DLG2: variants seen among roughly 807,000 people sequenced by gnomAD.
DLG2 encodes discs large MAGUK scaffold protein 2.
A neutral mutation model predicts 132.5 loss-of-function variants in DLG2; 45 were observed. That is an observed-to-expected ratio of 0.34 (90% CI 0.27 to 0.44). The LOEUF (loss-of-function observed/expected upper bound fraction) is 0.44. Among genes scored for constraint, DLG2 ranks in the 20% least tolerant of loss-of-function variants. The pLI, the probability that DLG2 is intolerant of heterozygous loss-of-function variation, is 1.00. For missense variants in DLG2, 1,045 were observed against 1,196.9 expected, an observed-to-expected ratio of 0.87 and a Z score of 1.87; for synonymous variants, 424 against 419.6, an observed-to-expected ratio of 1.01 and a Z score of -0.13.
At chr11:83,915,803 T>C (rs1205501711) in intron 15 of DLG2, among the ~76,000 whole-genome samples, 1 of 152,152 alleles carries the variant, frequency 6.6e-6, no homozygotes, top group Non-Finnish European at 1.5e-5. Context: ...ATTTACAGAA[T>C]TGTGCAACCA....
chr11:84,634,376 A>C (rs1008259279), intron 6 of DLG2, among the ~76,000 whole-genome samples: 1 of 152,230 alleles, frequency 6.6e-6, no homozygotes, highest in Non-Finnish European at 1.5e-5. Context: ...ATTTAAGTTC[A>C]TGCTAAAGAT....
rs151026338 is a variant in DLG2 at position 84,800,139 on chromosome 11, T to C, written c.358-265408A>G. Among the ~76,000 whole-genome samples the C allele has an allele frequency of 1.5e-3, 222 of 152,208 alleles. 1 individual carries two copies. The highest frequency in any genetic ancestry group is 5.2e-3 in the African/African-American group (216 of 41,536). On this transcript the variant is annotated intron_variant, in intron 6 of 27. Transcript: ENST00000376104. ...ATTTTAAAAATCTGTATGTACAAAA[T>C]TGAACAAGAGAGTAAGACCCAATAC...
At chr11:84,885,800 T>A (rs1368678077) in intron 6 of DLG2, among the ~76,000 whole-genome samples, 2 of 152,030 alleles carry the variant, frequency 1.3e-5, no homozygotes, top group African/African-American at 2.4e-5. Context: ...AAGGAAAAGT[T>A]TAATTTTGCA....
intron 4 of DLG2, among the ~76,000 whole-genome samples, chr11:85,216,746 G>A (rs954585664): frequency 6.6e-6 from 1 of 151,942 alleles, no homozygotes; most frequent in Non-Finnish European, 1.5e-5. Flanking sequence ...ACCCAGGCTG[G>A]AGTGCAGTGG....
chr11:84,747,945 C>T (rs1298388665), intron 6 of DLG2, among the ~76,000 whole-genome samples: 2 of 152,176 alleles, frequency 1.3e-5, no homozygotes, highest in African/African-American at 4.8e-5. Context: ...CTAGACTAGA[C>T]AAGTCATTTT....
chr11:84,847,382 T>C (rs1251838753), intron 6 of DLG2, among the ~76,000 whole-genome samples: 1 of 152,148 alleles, frequency 6.6e-6, no homozygotes, highest in African/African-American at 2.4e-5. Flanking sequence ...AACTTGTCTA[T>C]TTAGTTAAGA....
At chr11:84,820,425 GTA>G (rs2077541596) in intron 6 of DLG2, among the ~76,000 whole-genome samples, 1 of 151,824 alleles carries the variant, frequency 6.6e-6, no homozygotes, top group Non-Finnish European at 1.5e-5. Flanking sequence ...AAGTGTACAG[GTA>G]ATCACGCTTT....
chr11:85,394,206 A>C (rs992248297), intron 3 of DLG2, among the ~76,000 whole-genome samples: 1 of 152,226 alleles, frequency 6.6e-6, no homozygotes, highest in Non-Finnish European at 1.5e-5. Context: ...TTTTAAAACA[A>C]ATGAGGTAAT....
intron 6 of DLG2, among the ~76,000 whole-genome samples, chr11:84,675,264 C>T (rs955718657): frequency 2.6e-5 from 4 of 152,020 alleles, no homozygotes; most frequent in Non-Finnish European, 4.4e-5. Context: ...TGGAAATAGC[C>T]TCTTCAGATA....
intron 7 of DLG2, among the ~76,000 whole-genome samples, chr11:84,326,569 T>C (rs551773620): frequency 6.6e-6 from 1 of 152,330 alleles, no homozygotes; most frequent in East Asian, 1.9e-4. Context: ...TTTTATTTCA[T>C]TGTAGTTGGA....
intron 3 of DLG2, among the ~76,000 whole-genome samples, chr11:85,569,767 G>T (rs2077738428): frequency 1.3e-5 from 2 of 152,198 alleles, no homozygotes; most frequent in South Asian, 4.1e-4. Context: ...TATGCTGTTG[G>T]TGGGAATGCT....
chr11:85,205,769 C>G (rs1293280254), intron 4 of DLG2, among the ~76,000 whole-genome samples: 2 of 152,076 alleles, frequency 1.3e-5, no homozygotes, highest in Non-Finnish European at 2.9e-5. Context: ...TAAGTATTAG[C>G]AAAGAAAGAG....
chr11:83,579,308 T>G (rs1241751689), intron 19 of DLG2, among the ~76,000 whole-genome samples: 1 of 152,246 alleles, frequency 6.6e-6, no homozygotes, highest in Non-Finnish European at 1.5e-5. Flanking sequence ...TTATATCATA[T>G]TATGCTCTAT....
intron 6 of DLG2, among the ~76,000 whole-genome samples, chr11:84,587,893 C>T (rs2099533456): frequency 6.6e-6 from 1 of 152,226 alleles, no homozygotes; most frequent in Non-Finnish European, 1.5e-5. Context: ...AGCCCCACTA[C>T]TTCATGCCTC....
At chr11:84,682,810 C>T (rs1279397777) in intron 6 of DLG2, among the ~76,000 whole-genome samples, 4 of 152,124 alleles carry the variant, frequency 2.6e-5, no homozygotes, top group Admixed American at 6.6e-5. Context: ...TGCTCTATTG[C>T]CTCTATTGCT....
At chr11:84,064,603 C>T (rs565808935) in intron 10 of DLG2, among the ~76,000 whole-genome samples, 2 of 152,128 alleles carry the variant, frequency 1.3e-5, no homozygotes, top group South Asian at 2.1e-4. Flanking sequence ...AAATACATAG[C>T]GTAGTCCCTG....
intron 18 of DLG2, among the ~76,000 whole-genome samples, chr11:83,717,298 T>C (rs1417598642): frequency 6.6e-6 from 1 of 152,236 alleles, no homozygotes; most frequent in African/African-American, 2.4e-5. Flanking sequence ...CTAATCTAGA[T>C]GACTTAAATG....
intron 19 of DLG2, among the ~76,000 whole-genome samples, chr11:83,590,660 T>C (rs1460099913): frequency 6.6e-6 from 1 of 152,092 alleles, no homozygotes; most frequent in East Asian, 1.9e-4. Context: ...CTGAAGGTAA[T>C]AGAGACACCA....
intron 8 of DLG2, among the ~76,000 whole-genome samples, chr11:84,243,667 A>G (rs1164728620): frequency 6.6e-6 from 1 of 152,142 alleles, no homozygotes; most frequent in Admixed American, 6.6e-5. Flanking sequence ...AGGTAATATC[A>G]CTGCTGTTAG....
Sources: gnomAD v4.1 joint callset for allele counts (sites outside exome capture counted in the v4.1 genomes callset) on GRCh38, gnomAD v4.1.1 for gene constraint, MANE v1.5 for transcripts, NCBI Gene and HGNC (gene_info 2026-07-23, HGNC 2026-07-21) for gene names.